The following NME8 variants were observed in gnomAD, a reference collection of about 807,000 sequenced individuals.
NME8 encodes the protein NME/NM23 family member 8, also known as protein NME8.
Under a neutral mutation model 82.3 loss-of-function variants are expected in NME8, and 72 were observed. The observed-to-expected ratio is 0.87, with a 90% confidence interval of 0.72 to 1.06. NME8 has a LOEUF of 1.06. Among genes scored for constraint, NME8 ranks in the 50% least tolerant of loss-of-function variants. The pLI is 0.00. For synonymous variants in NME8, 267 were observed against 228.5 expected (o/e 1.17, Z -1.52); for missense variants, 712 against 685.4 (o/e 1.04, Z -0.43).
chr7:37,879,565 T>C (rs1217799893), intron 12 of NME8, among the ~76,000 whole-genome samples: 2 of 152,236 alleles, frequency 1.3e-5, no homozygotes, highest in Non-Finnish European at 2.9e-5. Context: ...TTCCATTGTA[T>C]GTATGCAACT....
At chr7:37,879,239 C>T (rs1784906280) in intron 12 of NME8, among the ~76,000 whole-genome samples, 1 of 152,136 alleles carries the variant, frequency 6.6e-6, no homozygotes, top group Admixed American at 6.5e-5. Flanking sequence ...ACCTCCGCCT[C>T]CCAGGTTCAA....
chr7:37,895,094 T>C (rs936072363), intron 16 of NME8, among the ~76,000 whole-genome samples: 1 of 152,218 alleles, frequency 6.6e-6, no homozygotes, highest in African/African-American at 2.4e-5. Flanking sequence ...TGAAAGTACC[T>C]AGAACAGTGC....
intron 12 of NME8, among the ~76,000 whole-genome samples, chr7:37,882,634 A>G (rs1417733666): frequency 1.6e-5 from 1 of 61,558 alleles, no homozygotes; most frequent in Admixed American, 1.9e-4. Flanking sequence ...AAAGAAAGAA[A>G]GAAAGAAAGA....
At chr7:37,872,143 C>T (rs939096806) in intron 11 of NME8, among the ~76,000 whole-genome samples, 4 of 151,926 alleles carry the variant, frequency 2.6e-5, no homozygotes, top group Non-Finnish European at 4.4e-5. Context: ...GACTTGTGGA[C>T]TTCACTGAGA....
At chr7:37,892,738 T>A (rs1785149399) in intron 15 of NME8, among the ~76,000 whole-genome samples, 1 of 152,066 alleles carries the variant, frequency 6.6e-6, no homozygotes, top group African/African-American at 2.4e-5. Context: ...CAGCTTTTAT[T>A]TCACATCTAC....
rs2131947171 is a variant in NME8, at chr7:37,862,139, C to T, written c.382C>T (p.Pro128Ser). Residue 128 changes from proline (P) to serine (S), a missense_variant, in exon 7 of 18, where the codon CCT becomes TCT. Transcript: ENST00000199447. ...RKIAAGEMAR[P>S]QYPEIPLVDS... ...AATTGCAGCAGGTGAAATGGCTCGACCTCAGGTAATACTTTGGATTAACAA... is the reference window on the plus strand; with the variant it reads ...AATTGCAGCAGGTGAAATGGCTCGATCTCAGGTAATACTTTGGATTAACAA... 6.3e-7 allele frequency: 1 copy of T among 1,597,986 alleles called. No homozygotes were observed. Among genetic ancestry groups the T allele is most frequent in the East Asian group, 2.2e-5 (1 of 44,710 alleles).
At chr7:37,849,868 TCA>T (rs1491581737) in intron 2 of NME8, among the ~76,000 whole-genome samples, 68,346 of 110,230 alleles carry the variant, frequency 0.62, 18,801 homozygotes, top group South Asian at 0.7. Flanking sequence ...AGACTATGTC[TCA>T]AAAAAAAAAA....
chr7:37,879,086 A>T, intron 12 of NME8, among the ~76,000 whole-genome samples: 1 of 151,856 alleles, frequency 6.6e-6, no homozygotes, highest in South Asian at 2.1e-4. Context: ...ATGTTATGGG[A>T]TGTCTTAGAG....
Position 37,876,419 on chromosome 7 carries a change from A to G in NME8, c.819-413A>G, listed in dbSNP as rs1455251932. 1.1e-4 allele frequency among the ~76,000 whole-genome samples: 16 copies of G among 152,142 alleles called. No homozygotes were observed. The East Asian group carries it at 2.9e-3, about 27-fold the overall frequency. The stretch of plus-strand genomic sequence containing the variant: ...AATCCAATAAAATTGGAAATAAACA[A>G]TAAAAAGGTAATTGGAAATGTTCAT... On this transcript the variant is annotated intron_variant, in intron 11 of 17. Coordinates refer to ENST00000199447, the MANE Select transcript of NME8 (RefSeq NM_016616.5).
chr7:37,868,231 A>T (rs1054579739), intron 11 of NME8, among the ~76,000 whole-genome samples: 1 of 152,158 alleles, frequency 6.6e-6, no homozygotes, highest in Non-Finnish European at 1.5e-5. Flanking sequence ...TGAGCTCGCC[A>T]TGGTGGATTT....
At chr7:37,882,585 AAGAAAGAAAGAAAGAGAGAGAGAGAG>A (rs1462291936) in intron 12 of NME8, among the ~76,000 whole-genome samples, 9 of 55,104 alleles carry the variant, frequency 1.6e-4, no homozygotes, top group Admixed American at 9.9e-4. Flanking sequence ...GAAAGAAAGA[AAGAAAGAAAGAAAGAGAGAGAGAGAG>A]AGAGAAAGAA....
chr7:37,867,668 C>A (rs2131952160), intron 10 of NME8, 34 bp from the exon 11 acceptor site: 6 of 1,553,316 alleles, frequency 3.9e-6, no homozygotes, highest in Admixed American at 1.7e-5. Context: ...ATTTCAGGAG[C>A]CTGAAGGAAA....
Position 37,877,148 on chromosome 7 carries a change from C to A in NME8, c.994+141C>A, listed in dbSNP as rs1005533093. The A allele has an allele frequency of 1.7e-5, 12 of 687,806 alleles. No homozygotes were observed. In the African/African-American group the frequency reaches 2.2e-4, roughly 12 times the overall value. The allele number at this position is 687,806 out of a possible 1,614,324, so 42.6% of individuals were successfully genotyped here. On this transcript the variant is annotated intron_variant, in intron 12 of 17. Coordinates refer to ENST00000199447, the MANE Select transcript of NME8 (RefSeq NM_016616.5). ...CTTAAGAAATTAATGTATTAACTTA[C>A]TAATATCTTAATAGTGAATAAAACA...
At chr7:37,898,238 A>G (rs1050060617) in intron 17 of NME8, among the ~76,000 whole-genome samples, 6 of 152,208 alleles carry the variant, frequency 3.9e-5, no homozygotes, top group African/African-American at 1.4e-4. Context: ...TACAGTGTAC[A>G]GTGATTGAAA....
At chr7:37,869,872 C>T (rs1465846210) in intron 11 of NME8, among the ~76,000 whole-genome samples, 2 of 152,150 alleles carry the variant, frequency 1.3e-5, no homozygotes, top group Admixed American at 1.3e-4. Context: ...ATCTCTCTGA[C>T]TTGCCCCAGC....
At chr7:37,879,747 T>C (rs1784913122) in intron 12 of NME8, among the ~76,000 whole-genome samples, 1 of 152,180 alleles carries the variant, frequency 6.6e-6, no homozygotes, top group Admixed American at 6.5e-5. Context: ...GCTGTAAAAG[T>C]ATGTATAGTT....
rs758445291 is a variant in NME8 at position 37,876,929 on chromosome 7, G to A, written c.916G>A (p.Asp306Asn). The change falls in exon 12 of 18, where the codon GAT becomes AAT. Residue 306 changes from aspartate to asparagine, a missense_variant. Transcript: ENST00000199447. ...VAKFMDAFFP[D>N]FKKMKSMKLE... ...TAAGTTCATGGATGCTTTCTTCCCC[G>A]ATTTTAAAAAAATGAAAAGCATGAA... 16 of 1,612,592 alleles carry A rather than the reference G, an allele frequency of 9.9e-6. No individual in the cohort carries two copies. The highest frequency in any genetic ancestry group is 4.5e-5 in the East Asian group (2 of 44,694).
At chr7:37,864,722 C>A (rs1784650723) in intron 9 of NME8, among the ~76,000 whole-genome samples, 1 of 152,030 alleles carries the variant, frequency 6.6e-6, no homozygotes, top group Non-Finnish European at 1.5e-5. Context: ...TGAGACTGGG[C>A]AATTTACAAA....
In NME8 at chr7:37,885,262, A is replaced by T. The variant is rs776719324; in HGVS notation, c.1247+10A>T. On this transcript the variant is annotated intron_variant, in intron 14 of 17. Transcript: ENST00000199447. ...AATATTTTCCAGAGAGGTAGGATTC[A>T]TACCATGGGTCACTATCTGTTTTCG... 8.4e-6 allele frequency: 13 copies of T among 1,542,846 alleles called. No individual in the cohort carries two copies. The highest frequency in any genetic ancestry group is 1.7e-5 in the Admixed American group (1 of 59,806).
Sources: allele counts gnomAD v4.1 joint callset (sites outside exome capture counted in the v4.1 genomes callset), GRCh38; gene constraint gnomAD v4.1.1; transcripts MANE v1.5; gene names NCBI Gene and HGNC (gene_info 2026-07-23, HGNC 2026-07-21).